Variants in EFHB observed in about 807,000 individuals in gnomAD.
The protein encoded by EFHB is EF-hand domain-containing family member B.
In EFHB, 91 loss-of-function variants were observed where a neutral mutation model predicts 87.2. The observed-to-expected ratio is 1.04, with a 90% CI of 0.88 to 1.24. EFHB has a LOEUF of 1.24. Ranked by LOEUF, EFHB falls within the 50% of genes most tolerant of loss-of-function variation. The pLI is 0.00. For synonymous variants in EFHB, 325 were observed against 333.6 expected (o/e 0.97, Z 0.28); for missense variants, 1,084 against 998.8 (o/e 1.09, Z -1.15).
chr3:19,940,889 G>A, intron 1 of EFHB: 2 of 353,056 alleles, frequency 5.7e-6, no homozygotes, highest in Admixed American at 3.4e-5. Flanking sequence ...GCCTGTCAGA[G>A]TAGGTAGTGA....
chr3:19,895,014 A>T (rs1694431760), intron 9 of EFHB: 1 of 147,624 alleles, frequency 6.8e-6, no homozygotes. Context: ...ATATAAAAAT[A>T]TATAGTTTTT....
In EFHB at chr3:19,933,040, G is replaced by A. The variant is rs548796694; in HGVS notation, c.789+190C>T. 1.8e-4 allele frequency among the ~76,000 whole-genome samples: 27 copies of A among 152,312 alleles called. No individual in the cohort carries two copies. The South Asian group carries it at 5.2e-3, about 29-fold the overall frequency. On this transcript the variant is annotated intron_variant, in intron 1 of 12. Transcript: ENST00000295824. ...GCAGAGAAAACAAAGCTGACATCTA[G>A]GAAGGGAGGCAGAGAATCAGAAATC... is the stretch of plus-strand genomic sequence containing the variant.
intron 11 of EFHB, 55 bp from the exon 12 acceptor site, chr3:19,882,786 C>A (rs1409285991): frequency 6.7e-7 from 1 of 1,490,990 alleles, no homozygotes; most frequent in African/African-American, 1.4e-5. Flanking sequence ...CTGTGTAACA[C>A]AGTAGCCACC....
At position 19,892,913 on chromosome 3, in the gene EFHB, A is replaced by C. The variant is rs969300027; in HGVS notation, c.1725+3774T>G. Among the ~76,000 whole-genome samples, 12 of 148,124 alleles carry C rather than the reference A, an allele frequency of 8.1e-5. No individual in the cohort carries two copies. The South Asian group carries it at 1.8e-3, about 22-fold the overall frequency. On this transcript the variant is annotated intron_variant, in intron 9 of 12. Transcript: ENST00000295824. ...ATATAAAATCAGTATGTTCCATCCC[A>C]GTAGCTATAACTTCACCTTTTTCCC...
At chr3:19,930,098 T>C (rs546943406) in intron 1 of EFHB, among the ~76,000 whole-genome samples, 2 of 152,348 alleles carry the variant, frequency 1.3e-5, no homozygotes, top group East Asian at 3.9e-4. Context: ...CATATTAATA[T>C]AGTAAGCCAC....
intron 10 of EFHB, among the ~76,000 whole-genome samples, chr3:19,886,892 A>T (rs1694121865): frequency 6.6e-6 from 1 of 152,164 alleles, no homozygotes; most frequent in African/African-American, 2.4e-5. Context: ...CAATAATAAC[A>T]TTCATAAGAA....
intron 1 of EFHB, 76 bp downstream of exon 1, chr3:19,933,153 AT>A (rs1269699205): frequency 6.2e-6 from 9 of 1,458,224 alleles, no homozygotes; most frequent in African/African-American, 1.4e-5. Context: ...ACCAAAACAA[AT>A]TTTATCACTT....
At chr3:19,888,327 G>A (rs1166857831) in intron 10 of EFHB, 117 bp downstream of exon 10, 1 of 446,502 alleles carries the variant, frequency 2.2e-6, no homozygotes, top group African/African-American at 2.1e-5. Context: ...AGGAGTTCAA[G>A]GGCAAGTAGG....
At chr3:19,894,336 A>G (rs2125126275) in intron 9 of EFHB, among the ~76,000 whole-genome samples, 1 of 152,320 alleles carries the variant, frequency 6.6e-6, no homozygotes, top group Admixed American at 6.5e-5. Context: ...TGCTCTCTCA[A>G]GCCAACTCTA....
chr3:19,943,521 T>C (rs1363656887), intron 1 of EFHB, among the ~76,000 whole-genome samples: 1 of 152,114 alleles, frequency 6.6e-6, no homozygotes, highest in African/African-American at 2.4e-5. Flanking sequence ...GGAATACAGT[T>C]AGCCCTCTGT....
chr3:19,905,820 T>C (rs1694824871), intron 5 of EFHB, 71 bp from the exon 6 acceptor site: 11 of 1,501,172 alleles, frequency 7.3e-6, no homozygotes, highest in Non-Finnish European at 9.9e-6. Context: ...ATGCACACTA[T>C]GTTCTCATTG....
intron 1 of EFHB, chr3:19,942,810 A>AG (rs1239507360): frequency 6.4e-6 from 1 of 155,300 alleles, no homozygotes; most frequent in African/African-American, 2.4e-5. Context: ...ATCTGACAGG[A>AG]GGGGGAGCTC....
chr3:19,936,079 A>G, upstream of EFHB: 1 of 1,301,498 alleles, frequency 7.7e-7, no homozygotes, highest in Non-Finnish European at 9.8e-7. Context: ...CTCTACAAAA[A>G]CCCCTTAAAA....
At chr3:19,943,941 A>G (rs145544157) in intron 1 of EFHB, among the ~76,000 whole-genome samples, 11 of 152,386 alleles carry the variant, frequency 7.2e-5, no homozygotes, top group South Asian at 2.1e-4. Flanking sequence ...TGAAGACAAC[A>G]GACTACTTCG....
At position 19,933,789 on chromosome 3, in the gene EFHB, T is replaced by C; in HGVS notation, c.230A>G (p.Gln77Arg). ...SKGLEMGLER[Q>R]NISRTVMQRG... ...CTGCATGACAGTCCTAGAAATATTC[T>C]GTCTTTCTAATCCCATTTCAAGCCC... Residue 77 changes from glutamine (Q) to arginine (R), a missense_variant, in exon 1 of 13, where the codon CAG becomes CGG. Coordinates refer to ENST00000295824, the MANE Select transcript of EFHB (RefSeq NM_144715.4). The C allele has an allele frequency of 6.2e-7, 1 of 1,614,018 alleles. No homozygotes were observed. The highest frequency in any genetic ancestry group is 8.5e-7 in the Non-Finnish European group (1 of 1,179,886).
At chr3:19,903,055 T>C (rs1694725477) in intron 6 of EFHB, among the ~76,000 whole-genome samples, 1 of 151,892 alleles carries the variant, frequency 6.6e-6, no homozygotes, top group African/African-American at 2.4e-5. Context: ...CACACACCTG[T>C]AATTCCTGCT....
rs1194140616 is a variant in EFHB, at chr3:19,884,606, G to A, written c.1943C>T (p.Pro648Leu). 2 of 1,611,500 alleles carry A rather than the reference G, an allele frequency of 1.2e-6. No individual in the cohort carries two copies. Among genetic ancestry groups the A allele is most frequent in the Admixed American group, 3.4e-5 (2 of 59,398 alleles). The change falls in exon 11 of 13, where the codon CCA becomes CTA. Residue 648 changes from proline to leucine, a missense_variant. Transcript: ENST00000295824. The stretch of plus-strand genomic sequence containing the variant: ...AGCCTCAGTAGGGTTTACACAATCT[G>A]GTTTTCTACCTTTAAGGAAAATAAA... ...EERVIIKGRK[P>L]DCVNPTEANV...
intron 3 of EFHB, among the ~76,000 whole-genome samples, 180 bp from the exon 4 acceptor site, chr3:19,918,592 G>A (rs181142073): frequency 9.2e-5 from 14 of 152,020 alleles, no homozygotes; most frequent in Admixed American, 3.9e-4. Flanking sequence ...GTTTAAACAC[G>A]CCTACAAGAA....
At chr3:19,891,612 T>A (rs1341938738) in intron 9 of EFHB, among the ~76,000 whole-genome samples, 1 of 152,180 alleles carries the variant, frequency 6.6e-6, no homozygotes, top group African/African-American at 2.4e-5. Flanking sequence ...GTGGCCTACC[T>A]ATTTGGTTGG....
Sources: gnomAD v4.1 joint callset for allele counts (sites outside exome capture counted in the v4.1 genomes callset) on GRCh38, gnomAD v4.1.1 for gene constraint, MANE v1.5 for transcripts, NCBI Gene and HGNC (gene_info 2026-07-23, HGNC 2026-07-21) for gene names.